Variants in KCNT1 observed in about 807,000 individuals in gnomAD.
The protein encoded by KCNT1 is potassium sodium-activated channel subfamily T member 1.
Under a neutral mutation model 147.8 loss-of-function variants are expected in KCNT1, and 78 were observed. The ratio of observed to expected loss-of-function variants is 0.53; its 90% CI spans 0.44 to 0.64. KCNT1 has a LOEUF of 0.64. Among genes scored for constraint, KCNT1 ranks in the 30% least tolerant of loss-of-function variants. The pLI is 0.00. For synonymous variants in KCNT1, 867 were observed against 748.8 expected (o/e 1.16, Z -2.58); for missense variants, 1,419 against 1,750.3 (o/e 0.81, Z 3.38).
intron 18 of KCNT1, among the ~76,000 whole-genome samples, chr9:135,771,466 A>T (rs996368100): frequency 5.3e-4 from 80 of 152,198 alleles, no homozygotes; most frequent in African/African-American, 1.8e-3. Context: ...GGCATTGCTC[A>T]CTGTGTCCAA....
At chr9:135,731,983 T>TAGAGAG (rs1836471688) in intron 2 of KCNT1, among the ~76,000 whole-genome samples, 9 of 24,898 alleles carry the variant, frequency 3.6e-4, no homozygotes, top group South Asian at 2.2e-3. Flanking sequence ...TATATATATA[T>TAGAGAG]ATATATATAG....
At chr9:135,722,250 G>C (rs545474633) in intron 2 of KCNT1, among the ~76,000 whole-genome samples, 33 of 152,346 alleles carry the variant, frequency 2.2e-4, no homozygotes, top group South Asian at 6.2e-4. Flanking sequence ...GACCCTGAGA[G>C]GGCGAATCCC....
At chr9:135,749,950 G>A (rs1831054269) in intron 2 of KCNT1, 148 bp from the exon 3 acceptor site, 7 of 660,410 alleles carry the variant, frequency 1.1e-5, no homozygotes, top group Non-Finnish European at 1.9e-5. Flanking sequence ...CTGGGTCTGA[G>A]GTGGAGGGAG....
Position 135,768,599 on chromosome 9 carries a change from G to C in KCNT1, c.1338-11G>C. 6.5e-7 allele frequency: 1 copy of C among 1,550,030 alleles called. No individual in the cohort carries two copies. The highest frequency in any genetic ancestry group is 8.7e-7 in the Non-Finnish European group (1 of 1,146,514). On this transcript the variant is annotated splice_polypyrimidine_tract_variant and intron_variant, in intron 13 of 30. Transcript: ENST00000371757. ...CTGCTCCACCCACGCTCAGGCCCTG[G>C]TGCATTGCAGGATGGACAATGGGGA...
Position 135,759,872 on chromosome 9 carries a change from G to T in KCNT1, c.1035+13G>T, listed in dbSNP as rs771694581. On this transcript the variant is annotated intron_variant, in intron 11 of 30. Coordinates refer to ENST00000371757, the MANE Select transcript of KCNT1 (RefSeq NM_020822.3). ...GCTCCCACTGCAGGTGGGTCCTCTGGGCACCAGCCCTGGGTGGCACCAGCA... is the reference window on the plus strand; with the variant it reads ...GCTCCCACTGCAGGTGGGTCCTCTGTGCACCAGCCCTGGGTGGCACCAGCA... 1.3e-6 allele frequency: 2 copies of T among 1,590,456 alleles called. No homozygotes were observed. The highest frequency in any genetic ancestry group is 2.3e-5 in the South Asian group (2 of 87,388).
In KCNT1 at chr9:135,751,150, G is replaced by A; in HGVS notation, c.434+109G>A. 4 of 1,026,292 alleles carry A rather than the reference G, an allele frequency of 3.9e-6. No individual in the cohort carries two copies. In the South Asian group the frequency reaches 5.3e-5, roughly 13 times the overall value. The allele number at this position is 1,026,292 out of a possible 1,614,324, so 63.6% of individuals were successfully genotyped here. A position where few individuals can be genotyped will look rare whatever the true frequency, so the allele number is the denominator to read the frequency against. ...TCCCTGGGGGAGCCCCTGTGCCTGG[G>A]GCCTTGGGGAGTCCTTCCTTCCCCA... is the stretch of plus-strand genomic sequence containing the variant. On this transcript the variant is annotated intron_variant, in intron 4 of 30. Coordinates refer to ENST00000371757, the MANE Select transcript of KCNT1 (RefSeq NM_020822.3).
chr9:135,746,681 C>A (rs770571560), intron 2 of KCNT1, among the ~76,000 whole-genome samples: 3 of 152,060 alleles, frequency 2.0e-5, no homozygotes, highest in Non-Finnish European at 4.4e-5. Context: ...GCAGGAGCTC[C>A]TTGGAGGCCT....
intron 2 of KCNT1, among the ~76,000 whole-genome samples, chr9:135,735,903 C>T (rs1049036520): frequency 2.6e-5 from 4 of 152,164 alleles, no homozygotes; most frequent in Non-Finnish European, 5.9e-5. Context: ...GTCACCTGGG[C>T]GAGTCACCTG....
chr9:135,748,772 G>T (rs571528163), intron 2 of KCNT1, among the ~76,000 whole-genome samples: 1 of 152,342 alleles, frequency 6.6e-6, no homozygotes, highest in African/African-American at 2.4e-5. Flanking sequence ...GCTGCACTGG[G>T]CAGGGGGCCC....
intron 1 of KCNT1, among the ~76,000 whole-genome samples, chr9:135,703,399 A>C (rs1489401083): frequency 6.6e-6 from 1 of 152,146 alleles, no homozygotes; most frequent in African/African-American, 2.4e-5. Flanking sequence ...GGTAGGGCGG[A>C]TGGTCTTTAA....
intron 13 of KCNT1, among the ~76,000 whole-genome samples, chr9:135,767,245 G>A (rs191625183): frequency 6.6e-6 from 1 of 152,244 alleles, no homozygotes; most frequent in Admixed American, 6.5e-5. Context: ...ACACACAGGC[G>A]ATGCACCTGC....
At position 135,770,723 on chromosome 9, in the gene KCNT1, C is replaced by T. The variant is rs572492912; in HGVS notation, c.1770-134C>T. On this transcript the variant is annotated intron_variant, in intron 17 of 30. Transcript: ENST00000371757. ...GGACGGGAGGGCTCAGCCAAGGTCC[C>T]TGACCCCAAATGGCCCCCAGGAGGA... 2.5e-5 allele frequency: 24 copies of T among 948,080 alleles called. No individual in the cohort carries two copies. In the South Asian group the frequency reaches 3.5e-4, roughly 14 times the overall value. The allele number at this position is 948,080 out of a possible 1,614,324, so 58.7% of individuals were successfully genotyped here.
At chr9:135,703,729 T>C (rs895123127) in intron 1 of KCNT1, among the ~76,000 whole-genome samples, 1 of 152,180 alleles carries the variant, frequency 6.6e-6, no homozygotes, top group East Asian at 1.9e-4. Context: ...GCCATTCTGC[T>C]GGAGTTTATC....
rs11430171 is a variant in KCNT1 at position 135,791,910 on chromosome 9, A to ACC, written c.3587+35_3587+36dup. 7.6e-4 allele frequency: 1,229 copies of ACC among 1,610,318 alleles called. 5 individuals are homozygous for ACC. In the African/African-American group the frequency reaches 0.014, roughly 19 times the overall value. ...AGTAGCACCTGTGGGCTGTGTGGAG[A>ACC]CCCCCCCTGAGCACCAGGTGGGCAC... On this transcript the variant is annotated intron_variant, in intron 30 of 30. Transcript: ENST00000371757.
chr9:135,704,579 C>T (rs563265712), intron 1 of KCNT1, among the ~76,000 whole-genome samples: 124 of 152,334 alleles, frequency 8.1e-4, no homozygotes, highest in Non-Finnish European at 1.5e-3. Flanking sequence ...GACCAGTGGC[C>T]CTGGTGGCCC....
intron 13 of KCNT1, 111 bp downstream of exon 13, chr9:135,765,871 A>G: frequency 1.9e-6 from 2 of 1,054,526 alleles, no homozygotes; most frequent in Non-Finnish European, 2.7e-6. Flanking sequence ...GAGCCATGAG[A>G]GCATTATAGA....
At chr9:135,710,727 C>T (rs1835451381) in intron 1 of KCNT1, among the ~76,000 whole-genome samples, 1 of 152,218 alleles carries the variant, frequency 6.6e-6, no homozygotes. Flanking sequence ...TTCACAACTG[C>T]TGTGGCTGTT....
intron 1 of KCNT1, among the ~76,000 whole-genome samples, chr9:135,707,772 A>G (rs1363536784): frequency 3.9e-5 from 6 of 152,140 alleles, no homozygotes; most frequent in Non-Finnish European, 8.8e-5. Flanking sequence ...CCCTGTGTCC[A>G]CTGTGCTGCT....
intron 11 of KCNT1, among the ~76,000 whole-genome samples, chr9:135,763,078 G>A (rs924090302): frequency 1.3e-5 from 2 of 152,228 alleles, no homozygotes; most frequent in East Asian, 1.9e-4. Flanking sequence ...GGAGGAAGGC[G>A]GGGGCAGGGC....
Sources: allele counts gnomAD v4.1 joint callset (sites outside exome capture counted in the v4.1 genomes callset), GRCh38; gene constraint gnomAD v4.1.1; transcripts MANE v1.5; gene names NCBI Gene and HGNC (gene_info 2026-07-23, HGNC 2026-07-21).